Variants in MAGI1 observed in about 807,000 individuals in gnomAD.
MAGI1 encodes membrane-associated guanylate kinase, WW and PDZ domain-containing protein 1.
A neutral mutation model predicts 139.9 loss-of-function variants in MAGI1; 58 were observed. The observed-to-expected ratio is 0.41, with a 90% confidence interval of 0.34 to 0.52. The LOEUF (loss-of-function observed/expected upper bound fraction) is 0.52. Among genes scored for constraint, MAGI1 ranks in the 20% least tolerant of loss-of-function variants. The pLI is 0.12. For missense variants in MAGI1, 1,874 were observed against 1,901.6 expected (o/e 0.99, Z 0.27); for synonymous variants, 812 against 737.9 (o/e 1.10, Z -1.63).
intron 2 of MAGI1, among the ~76,000 whole-genome samples, chr3:65,516,575 A>G (rs1323853584): frequency 1.3e-5 from 2 of 152,198 alleles, no homozygotes; most frequent in African/African-American, 4.8e-5. Flanking sequence ...CAACAGAGTT[A>G]TAAAGCACTT....
chr3:65,489,952 TAG>T lies in MAGI1; in HGVS notation c.550+3558_550+3559del, dbSNP rs1951887221. 2.6e-5 allele frequency among the ~76,000 whole-genome samples: 4 copies of T among 152,306 alleles called. No homozygotes were observed. The South Asian group carries it at 8.3e-4, about 32-fold the overall frequency. On this transcript the variant is annotated intron_variant, in intron 3 of 22. Transcript: ENST00000402939. ...TAAAGAGTGCTTTGTGTTGTTGTGGTAGACTTTTCCTCTCTGGAACCAGCAGA... is the reference window on the plus strand; with the variant it reads ...TAAAGAGTGCTTTGTGTTGTTGTGGTACTTTTCCTCTCTGGAACCAGCAGA...
Position 66,038,170 on chromosome 3 carries a change from C to A in MAGI1, c.139G>T (p.Val47Leu). The change falls in exon 1 of 23, where the codon GTG becomes TTG. Residue 47 changes from valine (V) to leucine (L), a missense_variant. Around this residue, in one of 5 missense-constraint regions of MAGI1, gnomAD observed 648 missense variants for 598.1 expected, o/e 1.08. Transcript: ENST00000402939. The part of the protein sequence containing the change: ...EHGEFPYVGA[V>L]AAVEAAGLPG... ...AGCCCCGCTGCCTCGACCGCCGCCACCGCTCCGACGTACGGAAACTCCCCG... is the reference window on the plus strand; with the variant it reads ...AGCCCCGCTGCCTCGACCGCCGCCAACGCTCCGACGTACGGAAACTCCCCG... The A allele has an allele frequency of 1.2e-6, 2 of 1,612,074 alleles. No individual in the cohort carries two copies. Among genetic ancestry groups the A allele is most frequent in the Non-Finnish European group, 1.7e-6 (2 of 1,179,502 alleles).
intron 1 of MAGI1, among the ~76,000 whole-genome samples, chr3:65,741,295 G>A (rs1559838564): frequency 6.6e-6 from 1 of 151,776 alleles, no homozygotes; most frequent in East Asian, 2.0e-4. Context: ...CCACCTCAGC[G>A]TCCCAAGTAG....
chr3:65,628,313 G>C (rs1262172857), intron 1 of MAGI1, among the ~76,000 whole-genome samples: 1 of 152,076 alleles, frequency 6.6e-6, no homozygotes, highest in Non-Finnish European at 1.5e-5. Context: ...CGGAGGACTC[G>C]TTATATAGTT....
chr3:65,872,209 A>C lies in MAGI1; in HGVS notation c.313+165787T>G, dbSNP rs1057119149. On this transcript the variant is annotated intron_variant, in intron 1 of 22. Coordinates refer to ENST00000402939, the MANE Select transcript of MAGI1 (RefSeq NM_001033057.2). Reference sequence around the variant, plus strand: ...AAATGTGAGCTGTTACTTTTAGGCAATGCTTCATATACTGCTCACAGTCCC... The same window carrying C: ...AAATGTGAGCTGTTACTTTTAGGCACTGCTTCATATACTGCTCACAGTCCC... Among the ~76,000 whole-genome samples, 7 of 152,340 alleles carry C rather than the reference A, an allele frequency of 4.6e-5. No individual in the cohort carries two copies. In the South Asian group the frequency reaches 1.4e-3, roughly 32 times the overall value.
intron 1 of MAGI1, among the ~76,000 whole-genome samples, chr3:65,979,655 G>C (rs2065463497): frequency 6.6e-6 from 1 of 152,148 alleles, no homozygotes; most frequent in African/African-American, 2.4e-5. Context: ...GTCAGGATCA[G>C]AAACTGGGAA....
At position 65,390,847 on chromosome 3, in the gene MAGI1, T is replaced by C. The variant is rs1256742972; in HGVS notation, c.2416+295A>G. 2.0e-5 allele frequency among the ~76,000 whole-genome samples: 3 copies of C among 152,218 alleles called. No homozygotes were observed. In the East Asian group the frequency reaches 5.8e-4, roughly 29 times the overall value. On this transcript the variant is annotated intron_variant, in intron 14 of 22. Coordinates refer to ENST00000402939, the MANE Select transcript of MAGI1 (RefSeq NM_001033057.2). ...TCACAATCTCCACTCGGAGAATTAA[T>C]GAGACAGCAGCTCTTATCTACCATT... is the stretch of plus-strand genomic sequence containing the variant.
At chr3:66,016,356 C>A (rs571164325) in intron 1 of MAGI1, among the ~76,000 whole-genome samples, 1 of 152,146 alleles carries the variant, frequency 6.6e-6, no homozygotes, top group African/African-American at 2.4e-5. Flanking sequence ...AAGGAAGCAG[C>A]AGGACCAGAT....
chr3:65,510,242 A>G (rs1264888503), intron 2 of MAGI1, among the ~76,000 whole-genome samples: 2 of 152,268 alleles, frequency 1.3e-5, no homozygotes, highest in Non-Finnish European at 2.9e-5. Flanking sequence ...TAAAACGCAG[A>G]GCGCCTCTCC....
chr3:65,379,822 G>A (rs1366886671), intron 16 of MAGI1, among the ~76,000 whole-genome samples: 4 of 152,064 alleles, frequency 2.6e-5, no homozygotes, highest in Non-Finnish European at 5.9e-5. Context: ...GCTATATGTC[G>A]ACATCCACAC....
At chr3:66,015,179 C>CAAAA (rs11361856) in intron 1 of MAGI1, among the ~76,000 whole-genome samples, 1 of 98,002 alleles carries the variant, frequency 1.0e-5, no homozygotes, top group African/African-American at 3.9e-5. Context: ...CCTGTCTCTA[C>CAAAA]AAAAAAAAAA....
intron 1 of MAGI1, among the ~76,000 whole-genome samples, chr3:65,901,942 T>G (rs1009580738): frequency 6.6e-6 from 1 of 152,150 alleles, no homozygotes; most frequent in Non-Finnish European, 1.5e-5. Flanking sequence ...ATACATCATT[T>G]TCACTACACA....
intron 1 of MAGI1, among the ~76,000 whole-genome samples, chr3:65,869,451 A>G (rs930094488): frequency 6.7e-6 from 1 of 149,148 alleles, no homozygotes; most frequent in African/African-American, 2.5e-5. Context: ...CCCAGGTTGG[A>G]GTGCAGTGGC....
At position 65,402,996 on chromosome 3, in the gene MAGI1, G is replaced by C. The variant is rs547204816; in HGVS notation, c.2168-1526C>G. Among the ~76,000 whole-genome samples the C allele has an allele frequency of 9.8e-5, 15 of 152,306 alleles. No individual in the cohort carries two copies. The South Asian group carries it at 3.1e-3, about 32-fold the overall frequency. On this transcript the variant is annotated intron_variant, in intron 12 of 22. Transcript: ENST00000402939. ...ATTAACAAAAATTCCAGGAGATTCT[G>C]ATACAGAGAATCTGAGGACCATATT...
At chr3:65,563,997 A>C (rs925714768) in intron 2 of MAGI1, among the ~76,000 whole-genome samples, 1 of 152,202 alleles carries the variant, frequency 6.6e-6, no homozygotes, top group Non-Finnish European at 1.5e-5. Flanking sequence ...CAGCAATGGC[A>C]CATGTAATGA....
chr3:65,360,276 A>G (rs867202270), intron 22 of MAGI1: 9 of 985,212 alleles, frequency 9.1e-6, no homozygotes, highest in Middle Eastern at 5.2e-4. Flanking sequence ...GGGACCATTC[A>G]ATCACAGTTT....
chr3:65,769,556 C>G (rs970167508), intron 1 of MAGI1, among the ~76,000 whole-genome samples: 1 of 151,942 alleles, frequency 6.6e-6, no homozygotes, highest in African/African-American at 2.4e-5. Flanking sequence ...ATAAACAGTC[C>G]CAGGCCCCAT....
intron 1 of MAGI1, among the ~76,000 whole-genome samples, chr3:65,799,197 GCTACTTTT>G (rs1196914510): frequency 6.6e-6 from 1 of 152,150 alleles, no homozygotes; most frequent in African/African-American, 2.4e-5. Flanking sequence ...AGAAATTCGT[GCTACTTTT>G]CTGTTGCACT....
intron 2 of MAGI1, among the ~76,000 whole-genome samples, chr3:65,520,708 G>A (rs929354913): frequency 2.6e-5 from 4 of 152,130 alleles, no homozygotes; most frequent in African/African-American, 9.7e-5. Context: ...GAGGCCAGAT[G>A]CAAAAAGAGT....
Sources: gnomAD v4.1 joint callset for allele counts (sites outside exome capture counted in the v4.1 genomes callset) on GRCh38, gnomAD v4.1.1 for gene constraint, gnomAD v4.1.1 regional missense constraint, MANE v1.5 for transcripts, NCBI Gene and HGNC (gene_info 2026-07-23, HGNC 2026-07-21) for gene names.